Variants in TUSC3 observed in about 807,000 individuals in gnomAD.
TUSC3 encodes the protein dolichyl-diphosphooligosaccharide--protein glycosyltransferase subunit TUSC3.
A neutral mutation model predicts 44.8 loss-of-function variants in TUSC3; 45 were observed. That is an observed-to-expected ratio of 1.00 (90% CI 0.79 to 1.29). TUSC3 has a LOEUF of 1.29. Ranked by LOEUF, TUSC3 falls within the 50% of genes most tolerant of loss-of-function variation. The probability of loss-of-function intolerance (pLI) is 0.00; values close to 1 mark genes in which losing one functional copy is unlikely to be tolerated. For synonymous variants in TUSC3, 212 were observed against 152.9 expected, an observed-to-expected ratio of 1.39 and a Z score of -2.85; for missense variants, 519 against 437.9, an observed-to-expected ratio of 1.19 and a Z score of -1.65.
chr8:15,800,093 T>C, the TUSC3 span, among the ~76,000 whole-genome samples: 3 of 152,210 alleles, frequency 2.0e-5, no homozygotes, highest in East Asian at 1.9e-4. Context: ...AGCAAACTTA[T>C]CCTTTGTTAC....
In TUSC3 at chr8:15,516,476, T is replaced by C. The variant is rs59269438; in HGVS notation, n.189+32993T>C. Among the ~76,000 whole-genome samples, 1,485 of 152,328 alleles carry C rather than the reference T, an allele frequency of 9.7e-3. 29 individuals carry two copies. The highest frequency in any genetic ancestry group is 0.034 in the African/African-American group (1,428 of 41,570). On this transcript the variant is annotated intron_variant and non_coding_transcript_variant, in intron 2 of 5. Transcript: ENST00000503191. ...TCTTGATACATACATAGGTTCTTGA[T>C]GCTATGGCAGGTGATATTTTTCCCC...
At chr8:15,587,541 C>T (rs947516170) in intron 1 of TUSC3, among the ~76,000 whole-genome samples, 1 of 152,152 alleles carries the variant, frequency 6.6e-6, no homozygotes, top group East Asian at 1.9e-4. Flanking sequence ...ATATCCAGCA[C>T]CCCAAATATT....
In TUSC3 at chr8:15,462,750, C is replaced by A. The variant is rs534697885; in HGVS notation, n.92-20636C>A. Among the ~76,000 whole-genome samples the A allele has an allele frequency of 2.0e-5, 3 of 152,144 alleles. No individual in the cohort carries two copies. The East Asian group carries it at 5.8e-4, about 29-fold the overall frequency. ...TTTCCAGTCTGACAATTTACTTTTG[C>A]ACCAGTACAGAGCTGTTAAAGCTTT... is the stretch of plus-strand genomic sequence containing the variant. On this transcript the variant is annotated intron_variant and non_coding_transcript_variant, in intron 1 of 5. Transcript: ENST00000503191.
chr8:15,730,867 A>C, intron 7 of TUSC3, 138 bp downstream of exon 7: 1 of 732,696 alleles, frequency 1.4e-6, no homozygotes, highest in Non-Finnish European at 2.3e-6. Flanking sequence ...ACTAATTTTT[A>C]TTTTTTATGC....
chr8:15,749,048 G>A (rs352782), intron 9 of TUSC3, among the ~76,000 whole-genome samples: 1 of 152,066 alleles, frequency 6.6e-6, no homozygotes, highest in Non-Finnish European at 1.5e-5. Context: ...AGAGGTGCCC[G>A]ATTACAGTTG....
At chr8:15,480,730 C>G (rs900600970) in intron 1 of TUSC3, among the ~76,000 whole-genome samples, 1 of 152,178 alleles carries the variant, frequency 6.6e-6, no homozygotes, top group East Asian at 1.9e-4. Context: ...ACCTCCTCCT[C>G]TTAAAAGGAC....
At chr8:15,567,058 A>G (rs1472847617) in intron 1 of TUSC3, among the ~76,000 whole-genome samples, 2 of 152,168 alleles carry the variant, frequency 1.3e-5, no homozygotes, top group Non-Finnish European at 2.9e-5. Context: ...AATTCTAGTC[A>G]TGGCTCTTTT....
intron 6 of TUSC3, among the ~76,000 whole-genome samples, chr8:15,688,643 G>T (rs1808745834): frequency 6.6e-6 from 1 of 152,014 alleles, no homozygotes; most frequent in South Asian, 2.1e-4. Flanking sequence ...GTTTGAAATA[G>T]AAATTTATTC....
intron 1 of TUSC3, among the ~76,000 whole-genome samples, chr8:15,462,006 C>T (rs1470482734): frequency 1.3e-5 from 2 of 151,878 alleles, no homozygotes; most frequent in African/African-American, 4.8e-5. Flanking sequence ...TAATTGTTTT[C>T]TTTCTTTACT....
At chr8:15,655,136 G>A (rs771216406) in intron 3 of TUSC3, among the ~76,000 whole-genome samples, 2 of 152,126 alleles carry the variant, frequency 1.3e-5, no homozygotes, top group Admixed American at 6.5e-5. Flanking sequence ...TGATCAGGTG[G>A]TTGTTAAACT....
At chr8:15,610,745 G>T (rs76024889) in intron 1 of TUSC3, among the ~76,000 whole-genome samples, 4 of 152,062 alleles carry the variant, frequency 2.6e-5, no homozygotes, top group Non-Finnish European at 2.9e-5. Flanking sequence ...ATATTAGAGC[G>T]TAAAAGTTTT....
intron 2 of TUSC3, 142 bp downstream of exon 2, chr8:15,623,391 A>G (rs1805339587): frequency 3.4e-6 from 3 of 895,194 alleles, no homozygotes; most frequent in East Asian, 2.9e-5. Flanking sequence ...AATAAGCTGA[A>G]AAATCAGTGT....
At chr8:15,753,462 C>T (rs1811792466) in intron 9 of TUSC3, among the ~76,000 whole-genome samples, 1 of 152,068 alleles carries the variant, frequency 6.6e-6, no homozygotes, top group South Asian at 2.1e-4. Context: ...CCCTTCATGA[C>T]ATTTACAGTA....
At chr8:15,420,035 A>G (rs1241878926) in intron 1 of TUSC3, among the ~76,000 whole-genome samples, 1 of 152,176 alleles carries the variant, frequency 6.6e-6, no homozygotes, top group Admixed American at 6.5e-5. Flanking sequence ...GTATCTGTGG[A>G]TAGCAGGAAA....
the TUSC3 span, among the ~76,000 whole-genome samples, chr8:15,848,523 G>T: frequency 6.6e-6 from 1 of 152,156 alleles, no homozygotes; most frequent in African/African-American, 2.4e-5. Context: ...TCTATCCCAG[G>T]CAGCTTTCTT....
chr8:15,614,228 C>T (rs976933428), intron 1 of TUSC3, among the ~76,000 whole-genome samples: 9 of 152,010 alleles, frequency 5.9e-5, no homozygotes, highest in African/African-American at 2.2e-4. Context: ...CATGGAAACA[C>T]TGAGTCTAGG....
Position 15,648,529 on chromosome 8 carries a change from A to T in TUSC3, c.309-2168A>T, listed in dbSNP as rs184539790. 3.9e-3 allele frequency among the ~76,000 whole-genome samples: 594 copies of T among 151,904 alleles called. 4 individuals carry two copies. Among genetic ancestry groups the T allele is most frequent in the African/African-American group, 0.014 (565 of 41,450 alleles). On this transcript the variant is annotated intron_variant, in intron 2 of 10. Transcript: ENST00000503731. ...ATCACGAGGTCAGGAGATCGAGACC[A>T]TCCTGGCTAAGACGGTGAAACCCTG... is the stretch of plus-strand genomic sequence containing the variant.
At chr8:15,598,539 G>A (rs1804158065) in intron 1 of TUSC3, among the ~76,000 whole-genome samples, 1 of 151,682 alleles carries the variant, frequency 6.6e-6, no homozygotes, top group Non-Finnish European at 1.5e-5. Flanking sequence ...TAGGGTAAAT[G>A]TTTAATGAAA....
At chr8:15,426,088 A>G (rs1799800107) in intron 1 of TUSC3, among the ~76,000 whole-genome samples, 1 of 152,188 alleles carries the variant, frequency 6.6e-6, no homozygotes, top group South Asian at 2.1e-4. Context: ...TAACAGCTGT[A>G]TTTAGGTGTA....
Sources: allele counts gnomAD v4.1 joint callset (sites outside exome capture counted in the v4.1 genomes callset), GRCh38; gene constraint gnomAD v4.1.1; transcripts MANE v1.5; gene names NCBI Gene and HGNC (gene_info 2026-07-23, HGNC 2026-07-21).